The following L3MBTL4 variants were observed in gnomAD, a reference collection of about 807,000 sequenced individuals.
The protein encoded by L3MBTL4 is L3MBTL histone methyl-lysine binding protein 4.
In L3MBTL4, 70 loss-of-function variants were observed where a neutral mutation model predicts 84.5. The ratio of observed to expected loss-of-function variants is 0.83; its 90% CI spans 0.68 to 1.01. The LOEUF (loss-of-function observed/expected upper bound fraction) is 1.01. L3MBTL4 is among the 50% of genes least tolerant of loss of function. L3MBTL4 has a pLI of 0.00. For missense variants in L3MBTL4, 715 were observed against 754.8 expected (o/e 0.95, Z 0.62); for synonymous variants, 274 against 259.8 (o/e 1.05, Z -0.52).
chr18:6,202,972 T>G (rs1173267170), intron 12 of L3MBTL4, among the ~76,000 whole-genome samples: 1 of 152,198 alleles, frequency 6.6e-6, no homozygotes, highest in African/African-American at 2.4e-5. Flanking sequence ...GAGAGAGAAC[T>G]GAGCAGACAT....
Position 6,239,741 on chromosome 18 carries a change from G to A in L3MBTL4, c.684C>T (p.Asn228=). ...ACCAGTAATCGTAACTATCATCCCA[G>A]TTGTCAAAATGCACTAGTAAGCGAT... ...VEDRLLVHFD[N]WDDSYDYWCD... is the part of the protein sequence containing the mutation. The change falls in exon 9 of 19, where the codon AAC becomes AAT. Residue 228 remains asparagine, a synonymous_variant. Transcript: ENST00000317931. The A allele has an allele frequency of 6.2e-7, 1 of 1,613,870 alleles. No homozygotes were observed. The highest frequency in any genetic ancestry group is 8.5e-7 in the Non-Finnish European group (1 of 1,179,952).
At chr18:6,198,746 TCTAA>T (rs1344061958) in intron 12 of L3MBTL4, among the ~76,000 whole-genome samples, 2 of 152,214 alleles carry the variant, frequency 1.3e-5, no homozygotes, top group Non-Finnish European at 2.9e-5. Flanking sequence ...GTAATCACTG[TCTAA>T]CTGACAAGGA....
chr18:6,133,475 A>T (rs960296544), intron 14 of L3MBTL4, among the ~76,000 whole-genome samples: 5 of 151,896 alleles, frequency 3.3e-5, no homozygotes, highest in Admixed American at 6.6e-5. Context: ...AATACAGGGC[A>T]CCCTCCTAAT....
At chr18:5,958,133 G>GAAA (rs1567912011) in intron 18 of L3MBTL4, among the ~76,000 whole-genome samples, 32 of 57,936 alleles carry the variant, frequency 5.5e-4, no homozygotes, top group Non-Finnish European at 9.2e-4. Flanking sequence ...AGAAGAAAAA[G>GAAA]AAGAAGAAGA....
chr18:6,124,048 A>G (rs77022288), intron 14 of L3MBTL4, among the ~76,000 whole-genome samples: 2,398 of 152,322 alleles, frequency 0.016, 69 homozygotes, highest in African/African-American at 0.055. Flanking sequence ...CAGAGGCCAG[A>G]AAAGCTGCCC....
At chr18:6,032,502 C>T (rs1182191032) in intron 16 of L3MBTL4, among the ~76,000 whole-genome samples, 1 of 151,552 alleles carries the variant, frequency 6.6e-6, no homozygotes, top group East Asian at 1.9e-4. Flanking sequence ...ACATGGGGTC[C>T]TTTGTACTGT....
chr18:5,983,197 T>C (rs1295858380), intron 16 of L3MBTL4, among the ~76,000 whole-genome samples: 1 of 152,202 alleles, frequency 6.6e-6, no homozygotes, highest in East Asian at 1.9e-4. Flanking sequence ...TTCAAGTAAA[T>C]GACACTTGTA....
intron 14 of L3MBTL4, among the ~76,000 whole-genome samples, chr18:6,122,086 C>T (rs1025180027): frequency 6.6e-6 from 1 of 152,100 alleles, no homozygotes; most frequent in Admixed American, 6.6e-5. Flanking sequence ...GTCCAAGGCT[C>T]GCTTTTTTAA....
chr18:6,164,302 C>T (rs368077532), intron 13 of L3MBTL4, among the ~76,000 whole-genome samples: 3 of 152,344 alleles, frequency 2.0e-5, no homozygotes, highest in East Asian at 3.9e-4. Context: ...CAGACTTAAA[C>T]GTCCCTGTCT....
chr18:6,128,528 T>C (rs1442594055), intron 14 of L3MBTL4, among the ~76,000 whole-genome samples: 1 of 151,948 alleles, frequency 6.6e-6, no homozygotes, highest in African/African-American at 2.4e-5. Flanking sequence ...AACAGTCCCA[T>C]GGGTGGATTT....
intron 3 of L3MBTL4, among the ~76,000 whole-genome samples, chr18:6,309,153 T>C (rs2050719820): frequency 6.6e-6 from 1 of 152,182 alleles, no homozygotes; most frequent in African/African-American, 2.4e-5. Flanking sequence ...GAAACGTCGC[T>C]TGTAAACCAG....
chr18:6,160,458 GC>G (rs1403753409), intron 13 of L3MBTL4, among the ~76,000 whole-genome samples: 1 of 152,192 alleles, frequency 6.6e-6, no homozygotes, highest in East Asian at 1.9e-4. Context: ...TTGGCCAGGG[GC>G]GGTGGCTCAC....
chr18:5,985,230 T>G (rs1355422263), intron 16 of L3MBTL4, among the ~76,000 whole-genome samples: 1 of 152,174 alleles, frequency 6.6e-6, no homozygotes, highest in Non-Finnish European at 1.5e-5. Flanking sequence ...ATGGGAGAGA[T>G]GATACTAGGG....
At chr18:6,162,691 A>G (rs1218791572) in intron 13 of L3MBTL4, among the ~76,000 whole-genome samples, 1 of 152,210 alleles carries the variant, frequency 6.6e-6, no homozygotes. Context: ...GACACAGTAA[A>G]AGGGTGGTAC....
chr18:6,381,870 T>C (rs2054607286), intron 1 of L3MBTL4, among the ~76,000 whole-genome samples: 1 of 152,220 alleles, frequency 6.6e-6, no homozygotes, highest in Non-Finnish European at 1.5e-5. Flanking sequence ...TGAATTTGAA[T>C]GTTGGCCTGT....
At chr18:6,268,062 G>A (rs753014395) in intron 4 of L3MBTL4, among the ~76,000 whole-genome samples, 9 of 152,160 alleles carry the variant, frequency 5.9e-5, no homozygotes, top group Admixed American at 5.9e-4. Flanking sequence ...AACTGTCGTG[G>A]TATTTTCATC....
At chr18:6,187,105 A>G (rs1432906431) in intron 12 of L3MBTL4, among the ~76,000 whole-genome samples, 1 of 152,242 alleles carries the variant, frequency 6.6e-6, no homozygotes, top group Non-Finnish European at 1.5e-5. Flanking sequence ...GGGTAAAAAC[A>G]GAGGTCCACT....
chr18:5,989,900 C>A (rs748560201), intron 16 of L3MBTL4, among the ~76,000 whole-genome samples: 4 of 152,204 alleles, frequency 2.6e-5, no homozygotes, highest in Non-Finnish European at 5.9e-5. Context: ...GCTGGGCAGG[C>A]ACCACTGGAG....
rs375526126 is a variant in L3MBTL4 at position 6,244,567 on chromosome 18, C to G, written c.241G>C (p.Glu81Gln). The G allele has an allele frequency of 6.2e-7, 1 of 1,612,994 alleles. No individual in the cohort carries two copies. Among genetic ancestry groups the G allele is most frequent in the Non-Finnish European group, 8.5e-7 (1 of 1,179,100 alleles). ...FSKDQSFPEH[E>Q]NGFQIGMRLE... ...CTCATTCCAATCTGAAAACCATTTTCATGCTCTGGAAAGGACTGATCCTAC... is the reference window on the plus strand; with the variant it reads ...CTCATTCCAATCTGAAAACCATTTTGATGCTCTGGAAAGGACTGATCCTAC... Residue 81 changes from glutamate to glutamine, a missense_variant, in exon 6 of 19, where the codon GAA becomes CAA. Coordinates refer to ENST00000317931, the MANE Select transcript of L3MBTL4 (RefSeq NM_001330559.2).
Sources: allele counts gnomAD v4.1 joint callset (sites outside exome capture counted in the v4.1 genomes callset), GRCh38; gene constraint gnomAD v4.1.1; transcripts MANE v1.5; gene names NCBI Gene and HGNC (gene_info 2026-07-23, HGNC 2026-07-21).